Variants in CRPPA observed in about 807,000 individuals in gnomAD.
CRPPA encodes CDP-L-ribitol pyrophosphorylase A.
CRPPA carries 43 observed loss-of-function variants against 52.0 expected under a neutral mutation model. The ratio of observed to expected loss-of-function variants is 0.83; its 90% CI spans 0.65 to 1.07. CRPPA has a LOEUF of 1.07. CRPPA is among the 50% of genes least tolerant of loss of function. CRPPA has a pLI of 0.00. For missense variants in CRPPA, 629 were observed against 551.7 expected, an observed-to-expected ratio of 1.14 and a Z score of -1.40; for synonymous variants, 250 against 203.5, an observed-to-expected ratio of 1.23 and a Z score of -1.94.
intron 9 of CRPPA, among the ~76,000 whole-genome samples, chr7:16,164,136 C>A (rs1780989615): frequency 6.6e-6 from 1 of 152,218 alleles, no homozygotes; most frequent in South Asian, 2.1e-4. Context: ...CCATCACTTT[C>A]AGGTACACCA....
At chr7:16,102,754 G>A (rs1319321048) in intron 9 of CRPPA, among the ~76,000 whole-genome samples, 1 of 152,180 alleles carries the variant, frequency 6.6e-6, no homozygotes, top group Admixed American at 6.5e-5. Context: ...ACCACAATGA[G>A]ATGCCATCTC....
At chr7:16,396,604 C>T (rs76527279) in intron 2 of CRPPA, among the ~76,000 whole-genome samples, 15,399 of 152,194 alleles carry the variant, frequency 0.1, 919 homozygotes, top group South Asian at 0.24. Context: ...AGTCATTGTA[C>T]GAAAAAGATA....
intron 9 of CRPPA, among the ~76,000 whole-genome samples, chr7:16,125,271 A>C (rs1218185896): frequency 3.8e-4 from 58 of 151,294 alleles, no homozygotes; most frequent in Non-Finnish European, 5.9e-4. Flanking sequence ...AAAAAAAAAA[A>C]AAAAAAAAAA....
chr7:16,365,427 T>A (rs1462083182), intron 3 of CRPPA, among the ~76,000 whole-genome samples: 1 of 152,212 alleles, frequency 6.6e-6, no homozygotes, highest in African/African-American at 2.4e-5. Context: ...TGCCTAAGGC[T>A]CTATTTGCTA....
At chr7:16,348,161 T>G (rs1786062843) in intron 3 of CRPPA, among the ~76,000 whole-genome samples, 1 of 152,152 alleles carries the variant, frequency 6.6e-6, no homozygotes, top group Admixed American at 6.6e-5. Flanking sequence ...TTCCCAAGCC[T>G]TCTTCCTCAG....
chr7:16,231,568 A>G (rs554898054), intron 8 of CRPPA, among the ~76,000 whole-genome samples: 10 of 152,328 alleles, frequency 6.6e-5, no homozygotes, highest in African/African-American at 2.4e-4. Context: ...GTTACTACTT[A>G]AAATCCCACT....
chr7:16,197,337 A>T (rs187439631), intron 9 of CRPPA, among the ~76,000 whole-genome samples: 1 of 152,168 alleles, frequency 6.6e-6, no homozygotes, highest in African/African-American at 2.4e-5. Flanking sequence ...GAATCAGTAA[A>T]TTTTTTTCTT....
chr7:16,323,266 T>A (rs1319845139), intron 3 of CRPPA, among the ~76,000 whole-genome samples: 1 of 152,220 alleles, frequency 6.6e-6, no homozygotes, highest in Non-Finnish European at 1.5e-5. Flanking sequence ...CAAAGGGATA[T>A]GACCTAACTC....
At chr7:16,308,254 C>T (rs1224981374) in intron 4 of CRPPA, among the ~76,000 whole-genome samples, 1 of 152,154 alleles carries the variant, frequency 6.6e-6, no homozygotes, top group South Asian at 2.1e-4. Flanking sequence ...AGTGTGAGAA[C>T]AGACTAATAA....
intron 3 of CRPPA, among the ~76,000 whole-genome samples, chr7:16,345,724 T>G (rs1041269904): frequency 1.3e-5 from 2 of 150,498 alleles, no homozygotes; most frequent in African/African-American, 2.4e-5. Flanking sequence ...AGCTGTTAGT[T>G]TGGCAACTCT....
At chr7:16,174,256 T>TG (rs757406361) in intron 9 of CRPPA, among the ~76,000 whole-genome samples, 4 of 151,976 alleles carry the variant, frequency 2.6e-5, no homozygotes, top group Admixed American at 1.3e-4. Flanking sequence ...ACCTCAAGGA[T>TG]GGGGGGAAAA....
chr7:16,181,246 T>G (rs1191831027), intron 9 of CRPPA, among the ~76,000 whole-genome samples: 1 of 151,906 alleles, frequency 6.6e-6, no homozygotes, highest in African/African-American at 2.4e-5. Context: ...AGAAAATGTA[T>G]TTAGGACTTT....
In CRPPA at chr7:16,163,227, G is replaced by C. The variant is rs560042210; in HGVS notation, c.1251+52839C>G. ...CTGATCTCGTGATCTGCCTGCCTCA[G>C]CCTCCCAAAGTGCTGGGATTACAGG... On this transcript the variant is annotated intron_variant, in intron 9 of 9. Transcript: ENST00000407010. 5.3e-5 allele frequency among the ~76,000 whole-genome samples: 8 copies of C among 152,096 alleles called. No homozygotes were observed. The East Asian group carries it at 9.7e-4, about 18-fold the overall frequency.
chr7:16,206,720 C>T (rs1239471164), intron 9 of CRPPA, among the ~76,000 whole-genome samples: 1 of 152,056 alleles, frequency 6.6e-6, no homozygotes, highest in Non-Finnish European at 1.5e-5. Context: ...TGATTACAAA[C>T]ATACATATAA....
intron 2 of CRPPA, among the ~76,000 whole-genome samples, chr7:16,400,015 C>T (rs980446669): frequency 3.3e-5 from 5 of 152,062 alleles, no homozygotes; most frequent in South Asian, 2.1e-4. Context: ...GACTGACTCG[C>T]GAATGACATG....
chr7:16,329,594 G>A (rs549028158), intron 3 of CRPPA, among the ~76,000 whole-genome samples: 1 of 152,150 alleles, frequency 6.6e-6, no homozygotes, highest in Non-Finnish European at 1.5e-5. Context: ...AACTACATAT[G>A]TGAAAAACAG....
At chr7:16,229,636 C>G (rs892712828) in intron 8 of CRPPA, among the ~76,000 whole-genome samples, 1 of 152,030 alleles carries the variant, frequency 6.6e-6, no homozygotes, top group African/African-American at 2.4e-5. Flanking sequence ...AATAGGTTTG[C>G]CTTTTTGCCT....
intron 8 of CRPPA, among the ~76,000 whole-genome samples, chr7:16,229,893 C>T (rs1241306977): frequency 1.3e-5 from 2 of 152,086 alleles, no homozygotes; most frequent in Admixed American, 6.6e-5. Context: ...CTGAAGGACA[C>T]CTTTGCTGGG....
chr7:16,089,487 G>T lies in CRPPA; in HGVS notation c.*2208C>A, dbSNP rs1205448220. On this transcript the variant is annotated 3_prime_UTR_variant, in exon 10 of 10. Coordinates refer to ENST00000407010, the MANE Select transcript of CRPPA (RefSeq NM_001101426.4). ...TATATATGTACGTACATATATACGG[G>T]TATATATGTACGTACATACATAGAT... 3.3e-6 allele frequency: 1 copy of T among 301,392 alleles called. No homozygotes were observed. 18.7% of individuals were successfully genotyped at this position (301,392 alleles called of 1,614,324 possible). A position where few individuals can be genotyped will look rare whatever the true frequency, so the allele number is the denominator to read the frequency against.
Sources: allele counts gnomAD v4.1 joint callset (sites outside exome capture counted in the v4.1 genomes callset), GRCh38; gene constraint gnomAD v4.1.1; transcripts MANE v1.5; gene names NCBI Gene and HGNC (gene_info 2026-07-23, HGNC 2026-07-21).